The following HUWE1 variants were observed in gnomAD, a reference collection of about 807,000 sequenced individuals.
HUWE1 encodes the protein HECT, UBA and WWE domain containing E3 ubiquitin protein ligase 1.
Under a neutral mutation model 299.4 loss-of-function variants are expected in HUWE1, and 18 were observed. The observed-to-expected ratio is 0.06, with a 90% CI of 0.04 to 0.09. HUWE1 has a LOEUF of 0.09. Among genes scored for constraint, HUWE1 ranks in the 10% least tolerant of loss-of-function variants. The probability of loss-of-function intolerance (pLI) is 1.00; values close to 1 mark genes in which losing one functional copy is unlikely to be tolerated. For synonymous variants in HUWE1, 1,317 were observed against 1,286.1 expected (o/e 1.02, Z -0.51); for missense variants, 1,832 against 3,462.3 (o/e 0.53, Z 11.82).
chrX:53,624,214 A>G (rs1385378919), intron 19 of HUWE1, among the ~76,000 whole-genome samples: 2 of 110,879 alleles, frequency 1.8e-5, no homozygotes, highest in African/African-American at 6.6e-5. Context: ...CAAACTCATT[A>G]CCTCAGGTGA....
At chrX:53,616,937 T>C in intron 21 of HUWE1, 33 bp downstream of exon 21, 14 of 1,151,863 alleles carry the variant, frequency 1.2e-5, no homozygotes, top group Non-Finnish European at 1.7e-5. Flanking sequence ...ACTAAATCAA[T>C]TTTCTACTAT....
chrX:53,540,883 T>A (rs947414304), intron 74 of HUWE1, among the ~76,000 whole-genome samples: 2 of 111,860 alleles, frequency 1.8e-5, no homozygotes, highest in Admixed American at 1.9e-4. Context: ...TTGCTGTTCA[T>A]CCTTTACCCA....
At chrX:53,568,586 T>C in intron 49 of HUWE1, 106 bp downstream of exon 49, 2 of 684,312 alleles carry the variant, frequency 2.9e-6, no homozygotes, top group Non-Finnish European at 4.4e-6. Context: ...AAGACTTGGG[T>C]CTCCCACTTG....
chrX:53,666,034 G>A (rs888610836), intron 3 of HUWE1, among the ~76,000 whole-genome samples: 1 of 111,858 alleles, frequency 8.9e-6, no homozygotes, highest in Non-Finnish European at 1.9e-5. Context: ...TGCCTGTATC[G>A]AATAGGTGAA....
intron 31 of HUWE1, among the ~76,000 whole-genome samples, 174 bp from the exon 32 acceptor site, chrX:53,593,775 G>A (rs1034923386): frequency 1.8e-5 from 2 of 111,447 alleles, no homozygotes; most frequent in African/African-American, 6.5e-5. Flanking sequence ...CTTTTGTTCC[G>A]CCTCTCCTCC....
Position 53,666,791 on chromosome X carries a change from C to G in HUWE1, c.-24-12660G>C, listed in dbSNP as rs1002131088. ...GTCTCCCCACTATGCTTGCTGAGTT[C>G]TGCAAGAGTGGGACTGTATCATATT... is the stretch of plus-strand genomic sequence containing the variant. On this transcript the variant is annotated intron_variant, in intron 3 of 83. Coordinates refer to ENST00000262854, the MANE Select transcript of HUWE1 (RefSeq NM_031407.7). 7.2e-5 allele frequency among the ~76,000 whole-genome samples: 8 copies of G among 111,783 alleles called. No homozygotes were observed. The Admixed American group carries it at 7.6e-4, about 11-fold the overall frequency.
At chrX:53,594,474 C>T (rs1556982791) in intron 31 of HUWE1, 25 bp downstream of exon 31, 1 of 1,207,103 alleles carries the variant, frequency 8.3e-7, no homozygotes, top group Admixed American at 2.2e-5. Context: ...AGAAATGCTC[C>T]TCTGTGAAGC....
At chrX:53,533,619 G>A in intron 83 of HUWE1, 1 of 460,870 alleles carries the variant, frequency 2.2e-6, no homozygotes, top group Non-Finnish European at 3.9e-6. Context: ...ATCTGACCCT[G>A]TCACTCCTCC....
At chrX:53,577,712 C>T (rs1455870005) in intron 43 of HUWE1, among the ~76,000 whole-genome samples, 5 of 113,524 alleles carry the variant, frequency 4.4e-5, no homozygotes, top group South Asian at 3.4e-4. Flanking sequence ...TTGGTGGAGA[C>T]GGGGTTTTGC....
At chrX:53,552,931 T>C in intron 61 of HUWE1, 38 bp from the exon 62 acceptor site, 1 of 1,205,743 alleles carries the variant, frequency 8.3e-7, no homozygotes, top group African/African-American at 1.7e-5. Flanking sequence ...GGTTTCTATC[T>C]GGAACCGGGG....
In HUWE1 at chrX:53,554,942, T is replaced by C. The variant is rs781982145; in HGVS notation, c.8207-22A>G. The stretch of plus-strand genomic sequence containing the variant: ...CCATCTTTCTCGGAAAGAACAATAA[T>C]AGTGGTTAAGGGGCAACCAGCCAAT... On this transcript the variant is annotated intron_variant, in intron 60 of 83. Coordinates refer to ENST00000262854, the MANE Select transcript of HUWE1 (RefSeq NM_031407.7). 1.2e-5 allele frequency: 14 copies of C among 1,138,217 alleles called. No homozygotes were observed. The East Asian group carries it at 3.9e-4, about 32-fold the overall frequency. 93.8% of individuals were successfully genotyped at this position (1,138,217 alleles called of 1,213,427 possible).
intron 80 of HUWE1, 92 bp from the exon 81 acceptor site, chrX:53,535,593 C>T: frequency 1.6e-6 from 1 of 610,562 alleles, no homozygotes; most frequent in Non-Finnish European, 2.8e-6. Context: ...CTTGCCATGT[C>T]CTAGGCAGAG....
chrX:53,552,251 G>C lies in HUWE1; in HGVS notation c.8881+60C>G, dbSNP rs1205524997. 5.9e-6 allele frequency: 7 copies of C among 1,187,029 alleles called. No homozygotes were observed. The African/African-American group carries it at 1.1e-4, about 18-fold the overall frequency. On this transcript the variant is annotated intron_variant, in intron 63 of 83. Coordinates refer to ENST00000262854, the MANE Select transcript of HUWE1 (RefSeq NM_031407.7). ...CTGTTTGGCTGGTGGGCATTTCCAT[G>C]CCAAGGGCTACTAGAAGCCAAAACA... is the stretch of plus-strand genomic sequence containing the variant.
chrX:53,602,554 T>C lies in HUWE1; in HGVS notation c.2971+10A>G. ...AAGTAATGACTAACATTTTAGTTTC[T>C]TAGAGTTACCTGATCTTTTTCCGCC... On this transcript the variant is annotated intron_variant, in intron 28 of 83. Coordinates refer to ENST00000262854, the MANE Select transcript of HUWE1 (RefSeq NM_031407.7). The C allele has an allele frequency of 9.5e-7, 1 of 1,056,961 alleles. No individual in the cohort carries two copies. The highest frequency in any genetic ancestry group is 1.3e-6 in the Non-Finnish European group (1 of 755,325). 87.1% of individuals were successfully genotyped at this position (1,056,961 alleles called of 1,213,427 possible).
intron 3 of HUWE1, among the ~76,000 whole-genome samples, chrX:53,666,591 A>G (rs782013055): frequency 9.0e-6 from 1 of 111,598 alleles, no homozygotes; most frequent in Non-Finnish European, 1.9e-5. Context: ...CATCAAGTAC[A>G]AACTCCTTAT....
Position 53,649,241 on chromosome X carries a change from T to C in HUWE1, c.46-931A>G, listed in dbSNP as rs868950684. ...AGACCTAATAGCTACCTCACAAATA[T>C]GAAACTCAAACGTCTGCCACATACA... On this transcript the variant is annotated intron_variant, in intron 4 of 83. Coordinates refer to ENST00000262854, the MANE Select transcript of HUWE1 (RefSeq NM_031407.7). Among the ~76,000 whole-genome samples, 25 of 111,755 alleles carry C rather than the reference T, an allele frequency of 2.2e-4. No homozygotes were observed. In the South Asian group the frequency reaches 2.2e-3, roughly 10 times the overall value.
Position 53,645,311 on chromosome X carries a change from C to T in HUWE1, c.504G>A (p.Glu168=). The T allele has an allele frequency of 8.3e-7, 1 of 1,211,235 alleles. No homozygotes were observed. The highest frequency in any genetic ancestry group is 1.1e-6 in the Non-Finnish European group (1 of 895,266). ...PLLTRLQHLA[E]SWGGKENGFG... is the part of the protein sequence containing the mutation. ...CTCCAACTCTTCACCCAAGACTCAC[C>T]TCTGCCAAATGTTGTAGCCGAGTTA... Residue 168 remains glutamate (E), a splice_region_variant and synonymous_variant, in exon 7 of 84, where the codon GAG becomes GAA. Coordinates refer to ENST00000262854, the MANE Select transcript of HUWE1 (RefSeq NM_031407.7).
intron 74 of HUWE1, among the ~76,000 whole-genome samples, chrX:53,540,997 C>T (rs781862211): frequency 4.5e-5 from 5 of 111,518 alleles, no homozygotes; most frequent in South Asian, 3.8e-4. Context: ...ATACAGAACA[C>T]GAAAATAATA....
intron 42 of HUWE1, among the ~76,000 whole-genome samples, chrX:53,582,441 T>C (rs2063667435): frequency 8.9e-6 from 1 of 112,422 alleles, no homozygotes; most frequent in Non-Finnish European, 1.9e-5. Context: ...GAATCTAAAA[T>C]GTATACTCAG....
Sources: allele counts gnomAD v4.1 joint callset (sites outside exome capture counted in the v4.1 genomes callset), GRCh38; gene constraint gnomAD v4.1.1; transcripts MANE v1.5; gene names NCBI Gene and HGNC (gene_info 2026-07-23, HGNC 2026-07-21).